CNTN6: variants seen among roughly 807,000 people sequenced by gnomAD.
CNTN6 encodes contactin 6, also known as contactin-6.
Under a neutral mutation model 122.8 loss-of-function variants are expected in CNTN6, and 137 were observed. The ratio of observed to expected loss-of-function variants is 1.12; its 90% CI spans 0.97 to 1.29. The LOEUF is 1.29. Ranked by LOEUF, CNTN6 falls within the 50% of genes most tolerant of loss-of-function variation. The pLI, the probability that CNTN6 is intolerant of heterozygous loss-of-function variation, is 0.00. For missense variants in CNTN6, 1,634 were observed against 1,223.4 expected, an observed-to-expected ratio of 1.34 and a Z score of -5.01; for synonymous variants, 570 against 426.0, an observed-to-expected ratio of 1.34 and a Z score of -4.16.
chr3:1,102,209 G>T (rs1015955457), intron 1 of CNTN6, among the ~76,000 whole-genome samples: 10 of 152,108 alleles, frequency 6.6e-5, no homozygotes, highest in East Asian at 3.9e-4. Context: ...TCCCATATTT[G>T]TATGTCTAAT....
At chr3:1,375,037 C>A (rs1219127411) in intron 16 of CNTN6, among the ~76,000 whole-genome samples, 1 of 151,968 alleles carries the variant, frequency 6.6e-6, no homozygotes, top group Non-Finnish European at 1.5e-5. Context: ...GAATCCAAAC[C>A]TCCTGATTTT....
intron 2 of CNTN6, among the ~76,000 whole-genome samples, chr3:1,172,105 C>T (rs1040949864): frequency 2.6e-5 from 4 of 152,114 alleles, no homozygotes; most frequent in Non-Finnish European, 5.9e-5. Flanking sequence ...GAAAATCTCC[C>T]ATTAAATCCA....
chr3:1,257,198 C>A (rs1305927314), intron 4 of CNTN6, among the ~76,000 whole-genome samples: 1 of 151,998 alleles, frequency 6.6e-6, no homozygotes, highest in Admixed American at 6.6e-5. Flanking sequence ...TGGGTCTTTG[C>A]CTAGTTTTCT....
At chr3:1,310,926 G>A (rs150093512) in intron 7 of CNTN6, among the ~76,000 whole-genome samples, 2,178 of 152,042 alleles carry the variant, frequency 0.014, 65 homozygotes, top group African/African-American at 0.049. Flanking sequence ...GCTTGAACCC[G>A]GGAGGCAGAA....
intron 7 of CNTN6, among the ~76,000 whole-genome samples, chr3:1,299,379 G>T (rs2125879757): frequency 6.6e-6 from 1 of 152,054 alleles, no homozygotes; most frequent in Admixed American, 6.5e-5. Context: ...TATCTGAAAA[G>T]AATATTAATA....
chr3:1,207,207 G>GT (rs1173596233), intron 2 of CNTN6, among the ~76,000 whole-genome samples: 1 of 151,902 alleles, frequency 6.6e-6, no homozygotes, highest in Non-Finnish European at 1.5e-5. Flanking sequence ...CTACTTGAGT[G>GT]TTTTCTCTCC....
chr3:1,209,756 C>G (rs907754698), intron 2 of CNTN6, among the ~76,000 whole-genome samples: 4 of 149,672 alleles, frequency 2.7e-5, no homozygotes, highest in African/African-American at 9.9e-5. Flanking sequence ...CCAGCACCAT[C>G]AAAATCAGTA....
intron 2 of CNTN6, among the ~76,000 whole-genome samples, chr3:1,201,097 TTTTGTGTGTGTGTGTGTGTGTGTGTG>T (rs1281391184): frequency 5.3e-5 from 6 of 112,754 alleles, no homozygotes; most frequent in African/African-American, 2.1e-4. Context: ...CCAGCTAACA[TTTTGTGTGTGTGTGTGTGTGTGTGTG>T]TGTGTGTGTG....
intron 11 of CNTN6, among the ~76,000 whole-genome samples, chr3:1,340,146 C>T (rs1316297396): frequency 6.6e-6 from 1 of 152,094 alleles, no homozygotes; most frequent in Non-Finnish European, 1.5e-5. Flanking sequence ...GAAAAACATT[C>T]AGTTCTGAGA....
chr3:1,240,820 C>G (rs189946443), intron 4 of CNTN6, among the ~76,000 whole-genome samples: 52 of 152,146 alleles, frequency 3.4e-4, no homozygotes, highest in African/African-American at 1.3e-3. Context: ...GTGAAATAAA[C>G]CCATGCACCT....
chr3:1,220,884 G>C (rs2094199072), intron 3 of CNTN6, 71 bp downstream of exon 3: 2 of 1,471,328 alleles, frequency 1.4e-6, no homozygotes, highest in Non-Finnish European at 1.8e-6. Context: ...ACAAAATAAA[G>C]TGTTTTATAA....
chr3:1,356,256 GT>G (rs546782280), intron 12 of CNTN6, among the ~76,000 whole-genome samples: 11 of 151,860 alleles, frequency 7.2e-5, no homozygotes, highest in African/African-American at 2.6e-4. Context: ...ATTTGTTTTT[GT>G]TTCCCCACTG....
intron 2 of CNTN6, among the ~76,000 whole-genome samples, chr3:1,176,413 A>G (rs372927925): frequency 1.3e-5 from 2 of 152,174 alleles, no homozygotes; most frequent in African/African-American, 4.8e-5. Context: ...TCTGCCTCAG[A>G]AAAAAGCCCC....
chr3:1,094,839 G>A (rs1332915777), intron 1 of CNTN6, among the ~76,000 whole-genome samples: 3 of 151,846 alleles, frequency 2.0e-5, no homozygotes, highest in Admixed American at 6.6e-5. Flanking sequence ...TATGTGAGGA[G>A]AAGGAATACA....
chr3:1,284,919 G>C (rs1575554372), intron 5 of CNTN6, among the ~76,000 whole-genome samples: 1 of 152,156 alleles, frequency 6.6e-6, no homozygotes, highest in East Asian at 1.9e-4. Flanking sequence ...GAACAGACAG[G>C]AGAGTAAATG....
chr3:1,354,282 A>G (rs2133452), intron 12 of CNTN6, among the ~76,000 whole-genome samples: 33,410 of 150,720 alleles, frequency 0.22, 4,444 homozygotes, highest in Non-Finnish European at 0.3. Flanking sequence ...CTACACTTTC[A>G]AGTATTCCAT....
chr3:1,380,468 G>A (rs1402495388), intron 17 of CNTN6, among the ~76,000 whole-genome samples: 1 of 152,210 alleles, frequency 6.6e-6, no homozygotes, highest in Non-Finnish European at 1.5e-5. Context: ...ATCATAATGT[G>A]TATACTCCCA....
intron 1 of CNTN6, among the ~76,000 whole-genome samples, chr3:1,144,428 A>T (rs927538716): frequency 9.2e-5 from 14 of 151,938 alleles, no homozygotes; most frequent in African/African-American, 3.4e-4. Flanking sequence ...ATACAAAATT[A>T]GCCAGGTGTA....
chr3:1,285,828 C>T (rs1236856473), intron 5 of CNTN6, among the ~76,000 whole-genome samples: 1 of 152,092 alleles, frequency 6.6e-6, no homozygotes, highest in African/African-American at 2.4e-5. Context: ...TTAAATAATA[C>T]AAGGAGATAA....
Sources: allele counts gnomAD v4.1 joint callset (sites outside exome capture counted in the v4.1 genomes callset), GRCh38; gene constraint gnomAD v4.1.1; transcripts MANE v1.5; gene names NCBI Gene and HGNC (gene_info 2026-07-23, HGNC 2026-07-21).